The following TAMM41 variants were observed in gnomAD, a reference collection of about 807,000 sequenced individuals.
The protein encoded by TAMM41 is TAM41 mitochondrial translocator assembly and maintenance homolog.
Under a neutral mutation model 44.1 loss-of-function variants are expected in TAMM41, and 36 were observed. The ratio of observed to expected loss-of-function variants is 0.82; its 90% CI spans 0.63 to 1.08. TAMM41 has a LOEUF of 1.08. Among genes scored for constraint, TAMM41 ranks in the 50% least tolerant of loss-of-function variants. The pLI is 0.00. For missense variants in TAMM41, 417 were observed against 404.3 expected (o/e 1.03, Z -0.27); for synonymous variants, 164 against 153.1 (o/e 1.07, Z -0.53).
rs370773181 is a variant in TAMM41, at chr3:11,829,976, G to T, written c.412-112C>A. 33 of 1,053,202 alleles carry T rather than the reference G, an allele frequency of 3.1e-5. No homozygotes were observed. The East Asian group carries it at 8.1e-4, about 26-fold the overall frequency. 65.2% of individuals were successfully genotyped at this position (1,053,202 alleles called of 1,614,324 possible). On this transcript the variant is annotated intron_variant, in intron 3 of 7. Coordinates refer to ENST00000455809, the MANE Select transcript of TAMM41 (RefSeq NM_001284401.2). ...AACTCTCTTCCCACTGAAGATCTTG[G>T]AATACTGGTTCAGGTGACACAAAAT... is the stretch of plus-strand genomic sequence containing the variant.
chr3:11,736,180 C>T, the TAMM41 span, among the ~76,000 whole-genome samples: 3 of 152,152 alleles, frequency 2.0e-5, no homozygotes, highest in Admixed American at 2.0e-4. Flanking sequence ...GAAAGGGTAA[C>T]CGTCTCATAA....
At chr3:11,827,188 C>T (rs2078786459) in intron 4 of TAMM41, among the ~76,000 whole-genome samples, 1 of 152,178 alleles carries the variant, frequency 6.6e-6, no homozygotes, top group Non-Finnish European at 1.5e-5. Context: ...AATAGTTGTA[C>T]TGACATAACA....
intron 3 of TAMM41, 194 bp from the exon 4 acceptor site, chr3:11,830,058 T>G (rs1482294668): frequency 1.8e-6 from 1 of 545,094 alleles, no homozygotes; most frequent in Non-Finnish European, 3.2e-6. Context: ...GTCAAAGAAA[T>G]CATGACACAG....
the TAMM41 span, among the ~76,000 whole-genome samples, chr3:11,728,872 A>G: frequency 2.0e-5 from 3 of 152,058 alleles, no homozygotes; most frequent in African/African-American, 7.2e-5. Context: ...GCCAGGTGTG[A>G]TGGCAGGTGC....
At chr3:11,772,328 T>A in the TAMM41 span, among the ~76,000 whole-genome samples, 24 of 150,086 alleles carry the variant, frequency 1.6e-4, no homozygotes, top group East Asian at 1.2e-3. Flanking sequence ...TGATCCGCCC[T>A]CCTTGGCCTC....
chr3:11,843,168 G>T (rs1008237991), intron 2 of TAMM41, among the ~76,000 whole-genome samples: 2 of 152,130 alleles, frequency 1.3e-5, no homozygotes, highest in African/African-American at 2.4e-5. Flanking sequence ...CTTCCTGGGG[G>T]TGTCTGCCCC....
chr3:11,740,092 C>CAAAACA, the TAMM41 span, among the ~76,000 whole-genome samples: 7 of 151,344 alleles, frequency 4.6e-5, no homozygotes, highest in South Asian at 8.4e-4. Flanking sequence ...CAAAACAAAA[C>CAAAACA]AAAAAAAACA....
rs990702060 is a variant in TAMM41, at chr3:11,842,649, G to A, written c.318+1380C>T. Reference sequence around the variant, plus strand: ...GCAGAGATTGCAATGAGCGGAGATGGTGCCACTGCATTCTAGCCTGGGTGA... The same window carrying A: ...GCAGAGATTGCAATGAGCGGAGATGATGCCACTGCATTCTAGCCTGGGTGA... On this transcript the variant is annotated intron_variant, in intron 2 of 7. Transcript: ENST00000455809. Among the ~76,000 whole-genome samples, 20 of 152,104 alleles carry A rather than the reference G, an allele frequency of 1.3e-4. 1 individual carries two copies. The highest frequency in any genetic ancestry group is 1.0e-3 in the South Asian group (5 of 4,816).
chr3:11,778,801 A>T, the TAMM41 span, among the ~76,000 whole-genome samples: 1 of 151,764 alleles, frequency 6.6e-6, no homozygotes, highest in South Asian at 2.1e-4. Flanking sequence ...TTTTTTGGAG[A>T]AGTGTGTGTT....
intron 3 of TAMM41, chr3:11,833,146 A>G (rs1309441316): frequency 1.9e-5 from 24 of 1,285,406 alleles, no homozygotes; most frequent in Non-Finnish European, 2.3e-5. Flanking sequence ...ACACTGCCAG[A>G]GAGGCCTGGG....
At chr3:11,817,168 A>T in intron 5 of TAMM41, 24 bp downstream of exon 5, 2 of 1,598,714 alleles carry the variant, frequency 1.3e-6, no homozygotes, top group Non-Finnish European at 1.7e-6. Context: ...GAAACAATAC[A>T]AGCTATTTTC....
chr3:11,835,185 C>T (rs963297340), intron 3 of TAMM41, among the ~76,000 whole-genome samples: 8 of 151,880 alleles, frequency 5.3e-5, no homozygotes, highest in Non-Finnish European at 1.5e-5. Context: ...AAGATACTAC[C>T]ACCCTCTTTT....
chr3:11,767,474 C>A, the TAMM41 span, among the ~76,000 whole-genome samples: 3 of 152,010 alleles, frequency 2.0e-5, no homozygotes, highest in Non-Finnish European at 2.9e-5. Context: ...TTTCATTTCT[C>A]TTGGATATAT....
the TAMM41 span, among the ~76,000 whole-genome samples, chr3:11,734,945 G>T: frequency 4.6e-5 from 7 of 151,432 alleles, no homozygotes; most frequent in South Asian, 1.5e-3. Context: ...GCTATTCGGG[G>T]GGCTGAGGCA....
chr3:11,808,504 C>T, intron 6 of TAMM41: 1 of 985,804 alleles, frequency 1.0e-6, no homozygotes, highest in African/African-American at 1.7e-5. Flanking sequence ...TGCTGCAGCT[C>T]ATCCACTGCA....
intron 7 of TAMM41, among the ~76,000 whole-genome samples, chr3:11,795,120 G>T (rs1162799837): frequency 3.9e-5 from 6 of 152,172 alleles, no homozygotes; most frequent in Non-Finnish European, 8.8e-5. Context: ...GAAAAGGCTG[G>T]TAAGGATCAA....
chr3:11,833,656 G>A (rs951045146), intron 3 of TAMM41, among the ~76,000 whole-genome samples: 2 of 152,178 alleles, frequency 1.3e-5, no homozygotes, highest in Non-Finnish European at 2.9e-5. Context: ...ACACAGAGAA[G>A]AAACAGTTGT....
intron 4 of TAMM41, among the ~76,000 whole-genome samples, chr3:11,827,831 T>G (rs1371943140): frequency 6.6e-6 from 1 of 152,182 alleles, no homozygotes; most frequent in Non-Finnish European, 1.5e-5. Context: ...TGTAAAGGAT[T>G]GTTATTGCTA....
At chr3:11,737,135 C>A in the TAMM41 span, among the ~76,000 whole-genome samples, 2 of 152,152 alleles carry the variant, frequency 1.3e-5, no homozygotes, top group East Asian at 3.9e-4. Context: ...CCACCCAACA[C>A]CCAGCCAGTG....
Sources: allele counts gnomAD v4.1 joint callset (sites outside exome capture counted in the v4.1 genomes callset), GRCh38; gene constraint gnomAD v4.1.1; transcripts MANE v1.5; gene names NCBI Gene and HGNC (gene_info 2026-07-23, HGNC 2026-07-21).